Variants in NADK observed in about 807,000 individuals in gnomAD.
NADK encodes poly(P)/ATP NAD kinase.
A neutral mutation model predicts 49.8 loss-of-function variants in NADK; 22 were observed. The observed-to-expected ratio is 0.44, with a 90% CI of 0.32 to 0.63. The LOEUF is 0.63. Ranked by LOEUF, NADK falls within the 30% of genes least tolerant of loss-of-function variation. The probability of loss-of-function intolerance (pLI) is 0.06; values close to 1 mark genes in which losing one functional copy is unlikely to be tolerated. For synonymous variants in NADK, 268 were observed against 253.7 expected, an observed-to-expected ratio of 1.06 and a Z score of -0.54; for missense variants, 438 against 609.4, an observed-to-expected ratio of 0.72 and a Z score of 2.96.
In NADK at chr1:1,761,887, T is replaced by G; in HGVS notation, c.263+65A>C. Reference sequence around the variant, plus strand: ...TCCCCCATCCCATGGCCCCCGGCACTCACATGATGGTCTAGGGGTTCTCTC... The same window carrying G: ...TCCCCCATCCCATGGCCCCCGGCACGCACATGATGGTCTAGGGGTTCTCTC... On this transcript the variant is annotated intron_variant, in intron 3 of 11. Transcript: ENST00000341426. 4 of 1,494,492 alleles carry G rather than the reference T, an allele frequency of 2.7e-6. No individual in the cohort carries two copies. In the South Asian group the frequency reaches 4.5e-5, roughly 17 times the overall value. 92.6% of individuals were successfully genotyped at this position (1,494,492 alleles called of 1,614,324 possible).
At chr1:1,770,283 A>G (rs987244761) in intron 1 of NADK, among the ~76,000 whole-genome samples, 3 of 152,312 alleles carry the variant, frequency 2.0e-5, no homozygotes, top group African/African-American at 7.2e-5. Flanking sequence ...ACTATACTAG[A>G]GGCCACAGCC....
chr1:1,774,188 CAT>C (rs918800545), intron 1 of NADK, among the ~76,000 whole-genome samples: 41 of 150,390 alleles, frequency 2.7e-4, no homozygotes, highest in South Asian at 4.2e-4. Flanking sequence ...CACACACACA[CAT>C]ATATATATAT....
upstream of NADK, chr1:1,779,139 C>G (rs1646301655): frequency 6.6e-6 from 1 of 152,368 alleles, no homozygotes; most frequent in Non-Finnish European, 1.5e-5. Flanking sequence ...CCTCAGAGGT[C>G]TACGCTTGGG....
At chr1:1,779,628 C>T (rs1280714786), upstream of NADK, among the ~76,000 whole-genome samples, 3 of 151,934 alleles carry the variant, frequency 2.0e-5, no homozygotes, top group African/African-American at 4.8e-5. Context: ...ACAAGTAGGT[C>T]CCGCCACACT....
At chr1:1,756,696 A>C (rs753269731) in intron 4 of NADK, 88 bp from the exon 5 acceptor site, 33 of 1,599,706 alleles carry the variant, frequency 2.1e-5, no homozygotes, top group Non-Finnish European at 2.7e-5. Flanking sequence ...CTGTGGTCAG[A>C]GACCTGGCAT....
upstream of NADK, chr1:1,778,790 C>A (rs147062389): frequency 0.021 from 3,268 of 152,208 alleles, 41 homozygotes; most frequent in Non-Finnish European, 0.03. This position sits in a 1 kb window ranked among gnomAD's most constrained non-coding sequence, Gnocchi z 4.9. Context: ...GCCACGTCTA[C>A]GCCTAGGCGC....
chr1:1,775,996 G>A (rs72909062), intron 1 of NADK, among the ~76,000 whole-genome samples: 23,201 of 152,064 alleles, frequency 0.15, 1,944 homozygotes, highest in Middle Eastern at 0.3. Flanking sequence ...TGGAGCTGCT[G>A]GAGGAGGCCC....
chr1:1,758,439 CAT>C (rs772299423), intron 3 of NADK: 7 of 1,612,352 alleles, frequency 4.3e-6, no homozygotes, highest in East Asian at 4.5e-5. Flanking sequence ...CCGGGTCACA[CAT>C]GTGGCTCGCG....
Position 1,754,162 on chromosome 1 carries a change from C to T in NADK, c.990G>A (p.Ala330=), listed in dbSNP as rs558595198. 16 of 1,612,284 alleles carry T rather than the reference C, an allele frequency of 9.9e-6. No homozygotes were observed. The East Asian group carries it at 2.2e-4, about 22-fold the overall frequency. ...TPTGSTAYAA[A]AGASMIHPNV... ...TGGGGTGGATCATGGAGGCCCCGGC[C>T]GCGGCCGCATACGCCGTGCTGCCCG... Residue 330 remains alanine, a synonymous_variant, in exon 10 of 12, where the codon GCG becomes GCA. Coordinates refer to ENST00000341426, the MANE Select transcript of NADK (RefSeq NM_023018.5). This position sits in a 1 kb window ranked among gnomAD's most constrained non-coding sequence, Gnocchi z 4.3.
intron 1 of NADK, among the ~76,000 whole-genome samples, chr1:1,777,462 A>G (rs770868347): frequency 6.6e-6 from 1 of 152,256 alleles, no homozygotes; most frequent in Non-Finnish European, 1.5e-5. Flanking sequence ...GACATGGAAC[A>G]CAAGAAGAGA....
chr1:1,755,267 T>C, intron 7 of NADK, 107 bp downstream of exon 7: 1 of 796,372 alleles, frequency 1.3e-6, no homozygotes, highest in Non-Finnish European at 2.1e-6. Flanking sequence ...TTGAAACCTT[T>C]AAATGTTGCT....
chr1:1,753,711 C>A, intron 10 of NADK, 62 bp from the exon 11 acceptor site: 1 of 1,436,896 alleles, frequency 7.0e-7, no homozygotes, highest in Non-Finnish European at 9.6e-7. Context: ...TCTAGGCACC[C>A]ACCCCTGAGT....
At chr1:1,767,938 T>G (rs1031635360) in intron 1 of NADK, among the ~76,000 whole-genome samples, 2 of 152,232 alleles carry the variant, frequency 1.3e-5, no homozygotes, top group South Asian at 2.1e-4. Flanking sequence ...TGTGGGAGGC[T>G]GAGGCGGGCA....
Position 1,758,735 on chromosome 1 carries a change from A to C in NADK, c.264-1425T>G, listed in dbSNP as rs910407712. On this transcript the variant is annotated intron_variant, in intron 3 of 11. Transcript: ENST00000341426. Reference sequence around the variant, plus strand: ...GGTCCTCCTGCCTAATCCCTTCTGAAAAAAAGTCCTCAGTTCAGCAGCAAA... The same window carrying C: ...GGTCCTCCTGCCTAATCCCTTCTGACAAAAAGTCCTCAGTTCAGCAGCAAA... 16 of 854,906 alleles carry C rather than the reference A, an allele frequency of 1.9e-5. No homozygotes were observed. In the African/African-American group the frequency reaches 2.9e-4, roughly 16 times the overall value. 53.0% of individuals were successfully genotyped at this position (854,906 alleles called of 1,614,324 possible). A position where few individuals can be genotyped will look rare whatever the true frequency, so the allele number is the denominator to read the frequency against.
At chr1:1,773,676 TTGTGTGTGTGTGTGTGTGTGTGTGTG>T (rs57063985) in intron 1 of NADK, among the ~76,000 whole-genome samples, 1 of 116,612 alleles carries the variant, frequency 8.6e-6, no homozygotes, top group African/African-American at 3.1e-5. Context: ...AAGCTCTATT[TTGTGTGTGTGTGTGTGTGTGTGTGTG>T]TGTGTGTGTG....
chr1:1,759,962 T>C, intron 3 of NADK: 2 of 1,519,382 alleles, frequency 1.3e-6, no homozygotes, highest in Non-Finnish European at 1.8e-6. Context: ...CCCGGTGGGG[T>C]GCCAGGGACA....
chr1:1,778,687 C>G, upstream of NADK: 1 of 151,788 alleles, frequency 6.6e-6, no homozygotes, highest in Non-Finnish European at 1.5e-5. This position sits in a 1 kb window ranked among gnomAD's most constrained non-coding sequence, Gnocchi z 4.9. Flanking sequence ...GTCCGCGACT[C>G]GGGTAGGCGG....
At chr1:1,753,948 G>A (rs1645420453) in intron 10 of NADK, 103 bp downstream of exon 10, 8 of 1,425,436 alleles carry the variant, frequency 5.6e-6, no homozygotes, top group Non-Finnish European at 6.6e-6. Flanking sequence ...GGCCGCGTCT[G>A]AGGCTGGAGC....
chr1:1,771,270 T>C (rs1378374430), intron 1 of NADK, among the ~76,000 whole-genome samples: 2 of 151,878 alleles, frequency 1.3e-5, no homozygotes, highest in African/African-American at 2.4e-5. Flanking sequence ...TGGAGAGACA[T>C]ACCATGTTCA....
Sources: gnomAD v4.1 joint callset for allele counts (sites outside exome capture counted in the v4.1 genomes callset) on GRCh38, gnomAD v4.1.1 for gene constraint, Gnocchi (gnomAD v3.1) non-coding constraint, MANE v1.5 for transcripts, NCBI Gene and HGNC (gene_info 2026-07-23, HGNC 2026-07-21) for gene names.